The following BRINP1 variants were observed in gnomAD, a reference collection of about 807,000 sequenced individuals.
The protein encoded by BRINP1 is BMP/retinoic acid-inducible neural-specific protein 1.
Under a neutral mutation model 72.9 loss-of-function variants are expected in BRINP1, and 17 were observed. The ratio of observed to expected loss-of-function variants is 0.23; its 90% CI spans 0.16 to 0.35. BRINP1 has a LOEUF of 0.35. BRINP1 is among the 10% of genes least tolerant of loss of function. The pLI is 1.00. For synonymous variants in BRINP1, 418 were observed against 378.5 expected, an observed-to-expected ratio of 1.10 and a Z score of -1.21; for missense variants, 850 against 1,001.6, an observed-to-expected ratio of 0.85 and a Z score of 2.04.
At position 119,167,927 on chromosome 9, in the gene BRINP1, C is replaced by T; in HGVS notation, c.1443G>A (p.Leu481=). ...ACTTCAGCTCCAGGTCCTGGAAGTC[C>T]AGGTCAGTCTCAAAGCTGATGAACT... ...SEQFISFETD[L]DFQDLELKYL... is the part of the protein sequence containing the mutation. The change falls in exon 8 of 8, where the codon CTG becomes CTA. Residue 481 remains leucine (L), a synonymous_variant. Transcript: ENST00000265922. This position sits in a 1 kb window ranked among gnomAD's most constrained non-coding sequence, Gnocchi z 4.3. 2 of 1,614,214 alleles carry T rather than the reference C, an allele frequency of 1.2e-6. No homozygotes were observed. The highest frequency in any genetic ancestry group is 1.7e-6 in the Non-Finnish European group (2 of 1,180,034).
At chr9:119,260,069 A>G (rs1830482421) in intron 2 of BRINP1, among the ~76,000 whole-genome samples, 1 of 152,206 alleles carries the variant, frequency 6.6e-6, no homozygotes, top group Non-Finnish European at 1.5e-5. Context: ...GTTTGAAACT[A>G]GTTAAGAAAT....
chr9:119,260,120 A>G (rs1372331942), intron 2 of BRINP1, among the ~76,000 whole-genome samples: 6 of 152,228 alleles, frequency 3.9e-5, no homozygotes, highest in Admixed American at 3.9e-4. Flanking sequence ...TATTCACTGA[A>G]TATCTGGCTC....
chr9:119,178,904 G>T (rs1157526517), intron 7 of BRINP1, among the ~76,000 whole-genome samples: 1 of 152,132 alleles, frequency 6.6e-6, no homozygotes, highest in African/African-American at 2.4e-5. Flanking sequence ...TGAAATAACG[G>T]AAAAATACTG....
chr9:119,313,217 GC>G lies in BRINP1; in HGVS notation c.138del (p.Pro47LeufsTer34), dbSNP rs756852423. The G allele has an allele frequency of 6.2e-7, 1 of 1,614,108 alleles. No individual in the cohort carries two copies. The highest frequency in any genetic ancestry group is 1.7e-5 in the Admixed American group (1 of 60,016). On this transcript the variant is annotated frameshift_variant, in exon 2 of 8. Coordinates refer to ENST00000265922, the MANE Select transcript of BRINP1 (RefSeq NM_014618.3). LOFTEE classifies it high-confidence loss of function. Reference protein sequence around the residue: ...KEFDWLISDRGPFHHSRSYLS... With the variant: ...KEFDWLISDRXPFHHSRSYLS... ...AGGTAGCTCCTGGAGTGGTGGAAAG[GC>G]CCCCTGTCTGAAATGAGCCAATCAA...
At chr9:119,172,266 CAAATAGACGCAA>C (rs1191300293) in intron 7 of BRINP1, among the ~76,000 whole-genome samples, 1 of 152,012 alleles carries the variant, frequency 6.6e-6, no homozygotes, top group Non-Finnish European at 1.5e-5. Context: ...AGAGAAGAAT[CAAATAGACGCAA>C]TAAAAAATGA....
chr9:119,223,470 T>C (rs1830061048), intron 5 of BRINP1, among the ~76,000 whole-genome samples: 1 of 152,116 alleles, frequency 6.6e-6, no homozygotes, highest in Non-Finnish European at 1.5e-5. Flanking sequence ...GTCTCTCTGC[T>C]GGCAACCAAA....
At chr9:119,293,287 CT>C (rs951473885) in intron 2 of BRINP1, among the ~76,000 whole-genome samples, 11 of 147,686 alleles carry the variant, frequency 7.4e-5, no homozygotes, top group Admixed American at 1.4e-4. Flanking sequence ...TTTCTTTTTC[CT>C]TTTTTTTTTC....
intron 1 of BRINP1, among the ~76,000 whole-genome samples, chr9:119,330,672 G>T (rs1831290320): frequency 6.6e-6 from 1 of 152,126 alleles, no homozygotes; most frequent in Admixed American, 6.6e-5. Context: ...CATAAAAACT[G>T]GCATGCAATA....
At chr9:119,180,478 CATGTGTGTGT>C (rs567190412) in intron 7 of BRINP1, among the ~76,000 whole-genome samples, 11,361 of 120,366 alleles carry the variant, frequency 0.094, 495 homozygotes, top group African/African-American at 0.13. Flanking sequence ...TCTCTCTGTG[CATGTGTGTGT>C]GTGTGTGTGT....
chr9:119,185,675 C>A (rs757048821), intron 7 of BRINP1, among the ~76,000 whole-genome samples: 1 of 152,164 alleles, frequency 6.6e-6, no homozygotes, highest in Non-Finnish European at 1.5e-5. Flanking sequence ...AACAAAACAT[C>A]TTGTCTCTGC....
At chr9:119,264,033 GA>G (rs2118940115) in intron 2 of BRINP1, among the ~76,000 whole-genome samples, 1 of 152,256 alleles carries the variant, frequency 6.6e-6, no homozygotes, top group Admixed American at 6.5e-5. Context: ...TGCCAATACA[GA>G]GCCCCTGGAA....
At chr9:119,350,030 G>A (rs1461733453) in intron 1 of BRINP1, among the ~76,000 whole-genome samples, 1 of 152,078 alleles carries the variant, frequency 6.6e-6, no homozygotes, top group Non-Finnish European at 1.5e-5. Flanking sequence ...TGCAGTTTCA[G>A]GATCACTCAA....
chr9:119,293,595 A>C (rs368661087), intron 2 of BRINP1, among the ~76,000 whole-genome samples: 3 of 152,364 alleles, frequency 2.0e-5, no homozygotes, highest in Middle Eastern at 3.4e-3. Flanking sequence ...CTTACCAGGT[A>C]TATCACACTG....
rs1254548254 is a variant in BRINP1, at chr9:119,313,368, G to C, written c.-13C>G. 6.2e-7 allele frequency: 1 copy of C among 1,612,882 alleles called. No homozygotes were observed. Among genetic ancestry groups the C allele is most frequent in the Non-Finnish European group, 8.5e-7 (1 of 1,179,826 alleles). On this transcript the variant is annotated 5_prime_UTR_variant, in exon 2 of 8. Coordinates refer to ENST00000265922, the MANE Select transcript of BRINP1 (RefSeq NM_014618.3). ...ACCTCCAGTTCATGCTTTTCTGCCG[G>C]CCTTTTTCCTCTCATTCTTGCTCCA...
chr9:119,339,120 T>G (rs931219224), intron 1 of BRINP1, among the ~76,000 whole-genome samples: 2 of 152,100 alleles, frequency 1.3e-5, no homozygotes, highest in Admixed American at 6.5e-5. Context: ...GTAGAATAGG[T>G]TTTCTATAAA....
chr9:119,282,936 T>C, intron 2 of BRINP1: 1 of 985,358 alleles, frequency 1.0e-6, no homozygotes, highest in Non-Finnish European at 1.2e-6. Context: ...GTAGGTTCTT[T>C]CTCTCTTCAA....
rs1042813269 is a variant in BRINP1, at chr9:119,239,607, G to A, written c.580-847C>T. ...CATCCATTGTAAGGAACAATGACTT[G>A]GGAGGCAGCCACATGCACCTTCTCT... is the stretch of plus-strand genomic sequence containing the variant. On this transcript the variant is annotated intron_variant, in intron 4 of 7. Transcript: ENST00000265922. Among the ~76,000 whole-genome samples the A allele has an allele frequency of 2.0e-5, 3 of 152,266 alleles. No individual in the cohort carries two copies. In the South Asian group the frequency reaches 6.2e-4, roughly 32 times the overall value.
chr9:119,187,653 G>GA (rs1195131340), intron 7 of BRINP1, among the ~76,000 whole-genome samples: 2 of 152,126 alleles, frequency 1.3e-5, no homozygotes, highest in East Asian at 3.9e-4. Context: ...CAAAGAACAT[G>GA]AAAAAACAAG....
chr9:119,263,601 C>CTTTTTTTTTT lies in BRINP1; in HGVS notation c.219-14461_219-14452dup, dbSNP rs386416080. Among the ~76,000 whole-genome samples the CTTTTTTTTTT allele has an allele frequency of 8.1e-4, 64 of 78,566 alleles. 8 individuals carry two copies. The highest frequency in any genetic ancestry group is 2.0e-3 in the African/African-American group (37 of 18,970). 51.5% of individuals were successfully genotyped at this position (78,566 alleles called of 152,430 possible). Reference sequence around the variant, plus strand: ...CTTATAAAATACCCAGTAAACAATTCTTTTTTTTTTTTTTTTTTTTTTTTG... The same window carrying CTTTTTTTTTT: ...CTTATAAAATACCCAGTAAACAATTCTTTTTTTTTTTTTTTTTTTTTTTTTTTTTTTTTTG... On this transcript the variant is annotated intron_variant, in intron 2 of 7. Transcript: ENST00000265922.
Sources: gnomAD v4.1 joint callset for allele counts (sites outside exome capture counted in the v4.1 genomes callset) on GRCh38, gnomAD v4.1.1 for gene constraint, Gnocchi (gnomAD v3.1) non-coding constraint, MANE v1.5 for transcripts, NCBI Gene and HGNC (gene_info 2026-07-23, HGNC 2026-07-21) for gene names.